Variants in PTPRR observed in about 807,000 individuals in gnomAD.
PTPRR encodes the protein receptor-type tyrosine-protein phosphatase R.
Under a neutral mutation model 77.2 loss-of-function variants are expected in PTPRR, and 38 were observed. The observed-to-expected ratio is 0.49, with a 90% CI of 0.38 to 0.65. The LOEUF is 0.65. PTPRR is among the 30% of genes least tolerant of loss of function. The pLI is 0.00. For missense variants in PTPRR, 744 were observed against 799.2 expected, an observed-to-expected ratio of 0.93 and a Z score of 0.83; for synonymous variants, 299 against 283.1, an observed-to-expected ratio of 1.06 and a Z score of -0.57.
chr12:70,908,237 C>T (rs1242622598), intron 1 of PTPRR, among the ~76,000 whole-genome samples: 2 of 152,098 alleles, frequency 1.3e-5, no homozygotes, highest in Non-Finnish European at 2.9e-5. Flanking sequence ...ATTAAAATCT[C>T]ACCATAGTAA....
rs760678361 is a variant in PTPRR, at chr12:70,662,512, G to A, written c.1591C>T (p.Arg531Ter). ...AATCTTACCTTTAAGACAAGGTTTC[G>A]AATGGTGTAGTTATCACATTCATTT... ...SVNECDNYTI[R>*]NLVLKQGSHT... The change falls in exon 11 of 14, where the codon CGA (arginine) becomes TGA (stop). Residue 531 changes from arginine to a stop codon, truncating the protein, a stop_gained. Transcript: ENST00000283228. LOFTEE classifies it high-confidence loss of function. 6.2e-7 allele frequency: 1 copy of A among 1,601,310 alleles called. No homozygotes were observed. Among genetic ancestry groups the A allele is most frequent in the Non-Finnish European group, 8.5e-7 (1 of 1,170,476 alleles).
intron 4 of PTPRR, among the ~76,000 whole-genome samples, chr12:70,760,795 C>T (rs1347269978): frequency 6.6e-6 from 1 of 152,108 alleles, no homozygotes; most frequent in Admixed American, 6.5e-5. Flanking sequence ...AATTGAATTA[C>T]ACGTATTTAG....
chr12:70,765,901 C>A (rs901675062), intron 2 of PTPRR, among the ~76,000 whole-genome samples: 1 of 152,200 alleles, frequency 6.6e-6, no homozygotes, highest in Non-Finnish European at 1.5e-5. Context: ...CCCAAGAAAA[C>A]AGGGTCTGGA....
intron 6 of PTPRR, among the ~76,000 whole-genome samples, chr12:70,736,654 A>G (rs1443410862): frequency 6.6e-6 from 1 of 152,186 alleles, no homozygotes; most frequent in Non-Finnish European, 1.5e-5. Context: ...TGAAGGGTCA[A>G]CAGGGCATAC....
At chr12:70,687,186 G>A (rs574738970) in intron 8 of PTPRR, among the ~76,000 whole-genome samples, 2 of 152,058 alleles carry the variant, frequency 1.3e-5, no homozygotes, top group East Asian at 3.9e-4. Context: ...CACACAGTAA[G>A]AAATGAAGCA....
At chr12:70,742,651 A>G (rs960274705) in intron 6 of PTPRR, among the ~76,000 whole-genome samples, 9 of 152,348 alleles carry the variant, frequency 5.9e-5, no homozygotes, top group African/African-American at 2.2e-4. Flanking sequence ...ACACTCAAAT[A>G]TAATTTAGAA....
chr12:70,883,595 T>G (rs138830940), intron 2 of PTPRR, among the ~76,000 whole-genome samples: 39 of 152,346 alleles, frequency 2.6e-4, no homozygotes, highest in East Asian at 2.3e-3. Flanking sequence ...TGCCAAGGAC[T>G]ATACTAAGTT....
chr12:70,704,321 G>A (rs998682383), intron 6 of PTPRR, among the ~76,000 whole-genome samples: 4 of 152,068 alleles, frequency 2.6e-5, no homozygotes, highest in Non-Finnish European at 5.9e-5. Context: ...GGGAGGATGA[G>A]GCCGGAAGAT....
At chr12:70,789,518 C>T (rs1891387431) in intron 2 of PTPRR, among the ~76,000 whole-genome samples, 5 of 151,900 alleles carry the variant, frequency 3.3e-5, no homozygotes, top group Admixed American at 3.3e-4. Context: ...GGTCTGATTC[C>T]AAAACTGATG....
chr12:70,660,908 T>C (rs1405035393), intron 12 of PTPRR, 32 bp downstream of exon 12: 2 of 1,579,444 alleles, frequency 1.3e-6, no homozygotes, highest in Non-Finnish European at 1.7e-6. Context: ...AATGGGCCAT[T>C]GCTTAGACAG....
intron 2 of PTPRR, among the ~76,000 whole-genome samples, chr12:70,844,243 T>G (rs189020469): frequency 6.6e-6 from 1 of 152,140 alleles, no homozygotes; most frequent in East Asian, 1.9e-4. Context: ...AAACCAAAAA[T>G]GAATTAGAGA....
chr12:70,721,406 C>T (rs1238272186), intron 6 of PTPRR, among the ~76,000 whole-genome samples: 1 of 152,160 alleles, frequency 6.6e-6, no homozygotes, highest in Non-Finnish European at 1.5e-5. Flanking sequence ...ACAACCCTTT[C>T]CTCGGCTGAT....
chr12:70,879,398 A>G (rs952233183), intron 2 of PTPRR, among the ~76,000 whole-genome samples: 1 of 151,726 alleles, frequency 6.6e-6, no homozygotes, highest in African/African-American at 2.4e-5. Flanking sequence ...CTATTGTAAA[A>G]AAAAAAAAAA....
chr12:70,850,324 A>G (rs1892551529), intron 2 of PTPRR, among the ~76,000 whole-genome samples: 1 of 151,862 alleles, frequency 6.6e-6, no homozygotes, highest in East Asian at 1.9e-4. Context: ...ATGCCACTGC[A>G]CTCCAGCCTG....
chr12:70,706,298 C>G (rs747849742), intron 6 of PTPRR, among the ~76,000 whole-genome samples: 3 of 151,990 alleles, frequency 2.0e-5, no homozygotes, highest in Non-Finnish European at 2.9e-5. Context: ...CAGAAATAAA[C>G]ACGGACCACT....
chr12:70,665,435 G>T (rs184022056), intron 10 of PTPRR, among the ~76,000 whole-genome samples: 1 of 119,446 alleles, frequency 8.4e-6, no homozygotes, highest in African/African-American at 3.3e-5. Flanking sequence ...AGGTTGGAGT[G>T]CAGTGGCACA....
intron 2 of PTPRR, among the ~76,000 whole-genome samples, chr12:70,770,754 CA>C (rs1335434152): frequency 6.6e-6 from 1 of 152,054 alleles, no homozygotes; most frequent in Non-Finnish European, 1.5e-5. Flanking sequence ...TGGAACCACC[CA>C]AATGTCCAAC....
intron 8 of PTPRR, among the ~76,000 whole-genome samples, chr12:70,694,272 G>C (rs184076618): frequency 6.6e-4 from 101 of 152,224 alleles, no homozygotes; most frequent in Non-Finnish European, 1.2e-3. Flanking sequence ...GATGACCTGA[G>C]TAAATGGCAT....
chr12:70,684,240 A>C lies in PTPRR; in HGVS notation c.1384T>G (p.Phe462Val). The change falls in exon 10 of 14, where the codon TTC becomes GTC. Residue 462 changes from phenylalanine to valine, a missense_variant. Around this residue, in one of 3 missense-constraint regions of PTPRR, gnomAD observed 570 missense variants for 573.2 expected, o/e 0.99. Transcript: ENST00000283228. Reference sequence around the variant, plus strand: ...ATCATGGGGCCCTGCGTGGCAATGAAGGCTTTCTCCTTGCCACTGTAGCCC... The same window carrying C: ...ATCATGGGGCCCTGCGTGGCAATGACGGCTTTCTCCTTGCCACTGTAGCCC... ...IRGYSGKEKAFIATQGPMINT... is the reference protein window; with the variant it reads ...IRGYSGKEKAVIATQGPMINT... 1 of 1,613,968 alleles carries C rather than the reference A, an allele frequency of 6.2e-7. No homozygotes were observed. Among genetic ancestry groups the C allele is most frequent in the Non-Finnish European group, 8.5e-7 (1 of 1,179,906 alleles).
Sources: allele counts gnomAD v4.1 joint callset (sites outside exome capture counted in the v4.1 genomes callset), GRCh38; gene constraint gnomAD v4.1.1; regional missense constraint gnomAD v4.1.1; transcripts MANE v1.5; gene names NCBI Gene and HGNC (gene_info 2026-07-23, HGNC 2026-07-21).